Variants in ABAT observed in about 807,000 individuals in gnomAD.
ABAT encodes 4-aminobutyrate aminotransferase, mitochondrial.
In ABAT, 45 loss-of-function variants were observed where a neutral mutation model predicts 64.6. The observed-to-expected ratio is 0.70, with a 90% CI of 0.55 to 0.89. The LOEUF (loss-of-function observed/expected upper bound fraction) is 0.89. Among genes scored for constraint, ABAT ranks in the 40% least tolerant of loss-of-function variants. The pLI, the probability that ABAT is intolerant of heterozygous loss-of-function variation, is 0.00. For missense variants in ABAT, 633 were observed against 658.4 expected (o/e 0.96, Z 0.42); for synonymous variants, 297 against 250.5 (o/e 1.19, Z -1.75).
intron 1 of ABAT, among the ~76,000 whole-genome samples, chr16:8,682,641 C>G (rs139032098): frequency 6.6e-6 from 1 of 152,136 alleles, no homozygotes; most frequent in Non-Finnish European, 1.5e-5. Flanking sequence ...CCAGAGGTCC[C>G]GTAATCTTCA....
rs779624302 is a variant in ABAT at position 8,735,785 on chromosome 16, C to T, written c.46C>T (p.His16Tyr). The T allele has an allele frequency of 3.1e-6, 5 of 1,607,432 alleles. No homozygotes were observed. Among genetic ancestry groups the T allele is most frequent in the Non-Finnish European group, 4.2e-6 (5 of 1,177,276 alleles). ...CCAGCGCCTGGCCTGCAGCTTCCAGCACAGCTACCGCCTGCTGGTGCCTGG... is the reference window on the plus strand; with the variant it reads ...CCAGCGCCTGGCCTGCAGCTTCCAGTACAGCTACCGCCTGCTGGTGCCTGG... Reference protein sequence around the residue: ...LAQRLACSFQHSYRLLVPGSR... With the variant: ...LAQRLACSFQYSYRLLVPGSR... Residue 16 changes from histidine to tyrosine, a missense_variant, in exon 2 of 16, where the codon CAC (histidine) becomes TAC (tyrosine). Physicochemically the swap from His to Tyr is moderately conservative, Grantham distance 83 (BLOSUM62 2). Transcript: ENST00000268251.
intron 10 of ABAT, 68 bp downstream of exon 10, chr16:8,768,324 C>A: frequency 6.6e-7 from 1 of 1,511,590 alleles, no homozygotes; most frequent in Non-Finnish European, 9.2e-7. Flanking sequence ...ACAATAGCGG[C>A]GGCTGACATT....
chr16:8,719,019 G>A (rs913902815), intron 1 of ABAT, among the ~76,000 whole-genome samples: 6 of 152,164 alleles, frequency 3.9e-5, no homozygotes, highest in African/African-American at 1.4e-4. Flanking sequence ...TCTGGAGTCC[G>A]TGAAAGTGGT....
At chr16:8,706,437 A>G (rs1329787731) in intron 1 of ABAT, among the ~76,000 whole-genome samples, 4 of 148,316 alleles carry the variant, frequency 2.7e-5, no homozygotes, top group African/African-American at 9.8e-5. Context: ...AAGACCAGGC[A>G]TGATGGCTCA....
chr16:8,730,975 G>C (rs556781183), intron 1 of ABAT, among the ~76,000 whole-genome samples: 1 of 152,260 alleles, frequency 6.6e-6, no homozygotes, highest in Admixed American at 6.5e-5. Flanking sequence ...CTAATTTTTT[G>C]TGTGTGAGAC....
chr16:8,771,834 T>G (rs9929124), intron 11 of ABAT, among the ~76,000 whole-genome samples: 4 of 151,986 alleles, frequency 2.6e-5, no homozygotes, highest in African/African-American at 7.2e-5. Context: ...GGTGTGGTCA[T>G]AGCTCACTGC....
At chr16:8,689,914 T>TAA in intron 1 of ABAT, among the ~76,000 whole-genome samples, 1 of 152,336 alleles carries the variant, frequency 6.6e-6, no homozygotes, top group Admixed American at 6.5e-5. Context: ...TCAAGGCCTT[T>TAA]AAACTACATT....
At chr16:8,704,279 T>A (rs1407257767) in intron 1 of ABAT, among the ~76,000 whole-genome samples, 2 of 152,234 alleles carry the variant, frequency 1.3e-5, no homozygotes, top group African/African-American at 4.8e-5. Flanking sequence ...GGAACACAGA[T>A]CAATTTCCAA....
chr16:8,701,088 C>T (rs1366361158), intron 1 of ABAT, among the ~76,000 whole-genome samples: 1 of 152,166 alleles, frequency 6.6e-6, no homozygotes, highest in Non-Finnish European at 1.5e-5. Context: ...CAGGCACACA[C>T]CACCACACCT....
chr16:8,757,627 G>A, intron 5 of ABAT, 130 bp from the exon 6 acceptor site: 2 of 1,040,590 alleles, frequency 1.9e-6, no homozygotes, highest in Admixed American at 2.0e-5. Flanking sequence ...GTCAACAAAG[G>A]ATAAAAGACC....
chr16:8,769,361 G>A (rs1360009052), intron 11 of ABAT, among the ~76,000 whole-genome samples: 5 of 152,122 alleles, frequency 3.3e-5, no homozygotes, highest in Non-Finnish European at 7.4e-5. Context: ...GAGGCCAGGA[G>A]TTCGAGACCA....
chr16:8,781,444 AC>A lies in ABAT; in HGVS notation c.*15del. ...GACTTCAAGTAAAGAAGCCATTTCCACTACAGTGAGAAAGCCCGGATCCCAA... is the reference window on the plus strand; with the variant it reads ...GACTTCAAGTAAAGAAGCCATTTCCATACAGTGAGAAAGCCCGGATCCCAA... On this transcript the variant is annotated 3_prime_UTR_variant, in exon 16 of 16. Transcript: ENST00000268251. The surrounding 1 kb of genome is among the most constrained non-coding windows in gnomAD (Gnocchi z 4.5). 4 of 1,614,188 alleles carry A rather than the reference AC, an allele frequency of 2.5e-6. No homozygotes were observed. The highest frequency in any genetic ancestry group is 3.4e-6 in the Non-Finnish European group (4 of 1,180,022).
intron 1 of ABAT, among the ~76,000 whole-genome samples, chr16:8,678,136 G>A (rs1490533835): frequency 6.6e-6 from 1 of 152,206 alleles, no homozygotes; most frequent in Admixed American, 6.5e-5. Context: ...GTGTAATGAG[G>A]AGAAGGAGAT....
chr16:8,720,310 A>G (rs1322955276), intron 1 of ABAT, among the ~76,000 whole-genome samples: 1 of 152,222 alleles, frequency 6.6e-6, no homozygotes, highest in Non-Finnish European at 1.5e-5. Flanking sequence ...CCTAGGTAAT[A>G]TATATGGCCC....
intron 1 of ABAT, among the ~76,000 whole-genome samples, chr16:8,685,436 G>A (rs978605968): frequency 6.6e-5 from 10 of 151,936 alleles, no homozygotes; most frequent in Non-Finnish European, 1.2e-4. Context: ...TTGGGAGGCC[G>A]AGGCAGGCAG....
At chr16:8,748,608 C>G (rs975626186) in intron 4 of ABAT, among the ~76,000 whole-genome samples, 4 of 152,148 alleles carry the variant, frequency 2.6e-5, no homozygotes, top group African/African-American at 9.7e-5. Context: ...CCCTAGTTGT[C>G]CTATCCATTA....
chr16:8,695,383 T>C (rs1188102261), intron 1 of ABAT, among the ~76,000 whole-genome samples: 1 of 152,166 alleles, frequency 6.6e-6, no homozygotes, highest in African/African-American at 2.4e-5. Flanking sequence ...ATCCCAATGA[T>C]TGTAAAGATT....
intron 5 of ABAT, among the ~76,000 whole-genome samples, chr16:8,754,177 T>A (rs2059572369): frequency 4.6e-5 from 1 of 21,536 alleles, no homozygotes; most frequent in Non-Finnish European, 9.9e-5. Flanking sequence ...AAACCCTGTC[T>A]ATAAAAAAAA....
At chr16:8,717,058 G>A (rs1363733524) in intron 1 of ABAT, among the ~76,000 whole-genome samples, 1 of 152,212 alleles carries the variant, frequency 6.6e-6, no homozygotes, top group African/African-American at 2.4e-5. Context: ...GGGAGGCCAA[G>A]GCGGGTGGAT....
Sources: allele counts gnomAD v4.1 joint callset (sites outside exome capture counted in the v4.1 genomes callset), GRCh38; gene constraint gnomAD v4.1.1; non-coding constraint Gnocchi (gnomAD v3.1); transcripts MANE v1.5; gene names NCBI Gene and HGNC (gene_info 2026-07-23, HGNC 2026-07-21).